Variants in FRAS1 observed in about 807,000 individuals in gnomAD.
FRAS1 encodes extracellular matrix organizing protein FRAS1.
FRAS1 carries 290 observed loss-of-function variants against 435.2 expected under a neutral mutation model. That is an observed-to-expected ratio of 0.67 (90% CI 0.61 to 0.73). The LOEUF is 0.73. Among genes scored for constraint, FRAS1 ranks in the 30% least tolerant of loss-of-function variants. The probability of loss-of-function intolerance (pLI) is 0.00; values close to 1 mark genes in which losing one functional copy is unlikely to be tolerated. For missense variants in FRAS1, 4,860 were observed against 5,001.5 expected (o/e 0.97, Z 0.85); for synonymous variants, 1,800 against 1,851.0 (o/e 0.97, Z 0.71).
chr4:78,385,901 G>C (rs564314637), intron 28 of FRAS1, among the ~76,000 whole-genome samples: 37 of 146,770 alleles, frequency 2.5e-4, no homozygotes, highest in Non-Finnish European at 4.9e-4. Flanking sequence ...AAAAAAAAAA[G>C]CTGAAACAGG....
intron 21 of FRAS1, 61 bp from the exon 22 acceptor site, chr4:78,363,847 G>A (rs17003160): frequency 0.13 from 195,803 of 1,550,268 alleles, 15,146 homozygotes; most frequent in East Asian, 0.36. Flanking sequence ...CACACTTGGG[G>A]TGCTGCTTTG....
intron 70 of FRAS1, among the ~76,000 whole-genome samples, chr4:78,531,500 T>A (rs1309570594): frequency 6.6e-6 from 1 of 152,188 alleles, no homozygotes; most frequent in African/African-American, 2.4e-5. Flanking sequence ...TCTTATTATT[T>A]TGAGATATGT....
intron 18 of FRAS1, among the ~76,000 whole-genome samples, chr4:78,320,815 G>A (rs1226100561): frequency 6.6e-6 from 1 of 152,112 alleles, no homozygotes; most frequent in African/African-American, 2.4e-5. Flanking sequence ...AGGAACACCA[G>A]TCTTTCCAAG....
At chr4:78,251,326 G>A (rs1168798946) in intron 4 of FRAS1, among the ~76,000 whole-genome samples, 1 of 152,160 alleles carries the variant, frequency 6.6e-6, no homozygotes, top group Non-Finnish European at 1.5e-5. Flanking sequence ...AAGAAGGGAG[G>A]AAGTTCAGGA....
chr4:78,164,491 T>C (rs190673102), intron 2 of FRAS1, among the ~76,000 whole-genome samples: 29 of 152,276 alleles, frequency 1.9e-4, no homozygotes, highest in Admixed American at 1.6e-3. Flanking sequence ...TTTTATAAAA[T>C]GCTGATGTAA....
Position 78,534,559 on chromosome 4 carries a change from C to T in FRAS1, c.11036C>T (p.Pro3679Leu), listed in dbSNP as rs779623280. 1.2e-6 allele frequency: 2 copies of T among 1,613,272 alleles called. No homozygotes were observed. The highest frequency in any genetic ancestry group is 1.7e-5 in the Admixed American group (1 of 60,000). Residue 3679 changes from proline to leucine, a missense_variant, in exon 71 of 74, where the codon CCC becomes CTC. Pro to Leu is a moderately conservative substitution (Grantham distance 98, BLOSUM62 -3). Transcript: ENST00000512123. ...CNNEKVFLMD[P>L]NTSDMSLAEM... is the part of the protein sequence containing the mutation. ...AATGAGAAGGTGTTCCTAATGGATC[C>T]CAATACATCTGATATGTCACTAGCA...
chr4:78,149,817 A>G (rs1400041674), intron 2 of FRAS1, among the ~76,000 whole-genome samples: 3 of 152,140 alleles, frequency 2.0e-5, no homozygotes, highest in Non-Finnish European at 4.4e-5. Flanking sequence ...TTGCCCTGGG[A>G]AAGCAGGCTG....
intron 71 of FRAS1, 137 bp downstream of exon 71, chr4:78,534,752 A>G: frequency 1.4e-6 from 1 of 733,802 alleles, no homozygotes. Flanking sequence ...TGGTTCCAGG[A>G]CAGCCAGGAC....
intron 2 of FRAS1, 149 bp downstream of exon 2, chr4:78,066,165 TG>T (rs1241022316): frequency 1.5e-6 from 1 of 668,700 alleles, no homozygotes; most frequent in Admixed American, 2.5e-5. Context: ...GGCACAATGA[TG>T]CTCAATTATT....
chr4:78,197,940 CA>C (rs5859609), intron 2 of FRAS1, among the ~76,000 whole-genome samples: 137,544 of 144,774 alleles, frequency 0.95, 65,551 homozygotes, highest in South Asian at 0.99. Context: ...GACTCCCTCT[CA>C]AAAAAAAAAA....
rs1725569927 is a variant in FRAS1, at chr4:78,252,315, A to G, written c.310-77A>G. ...CCATCCTTAATTTGGATAAGAGAAG[A>G]TTTGTTTCTATTTGGCTGAATGAAA... On this transcript the variant is annotated intron_variant, in intron 4 of 73. Coordinates refer to ENST00000512123, the MANE Select transcript of FRAS1 (RefSeq NM_025074.7). The G allele has an allele frequency of 5.1e-6, 7 of 1,384,802 alleles. No individual in the cohort carries two copies. The Admixed American group carries it at 1.1e-4, about 22-fold the overall frequency. 85.8% of individuals were successfully genotyped at this position (1,384,802 alleles called of 1,614,324 possible). A position where few individuals can be genotyped will look rare whatever the true frequency, so the allele number is the denominator to read the frequency against.
chr4:78,482,993 A>G (rs1361805295), intron 58 of FRAS1, among the ~76,000 whole-genome samples: 1 of 152,214 alleles, frequency 6.6e-6, no homozygotes, highest in Non-Finnish European at 1.5e-5. Context: ...ATAATAAAGG[A>G]AAACCTATTT....
chr4:78,202,939 A>C (rs1332604742), intron 2 of FRAS1, among the ~76,000 whole-genome samples: 1 of 152,108 alleles, frequency 6.6e-6, no homozygotes, highest in East Asian at 1.9e-4. Flanking sequence ...CCCTCTTCTG[A>C]CTGTGCATGG....
At chr4:78,485,783 C>T (rs1332981818) in intron 58 of FRAS1, among the ~76,000 whole-genome samples, 2 of 152,178 alleles carry the variant, frequency 1.3e-5, no homozygotes, top group Non-Finnish European at 2.9e-5. Context: ...CTATCCAAGT[C>T]CAGTCTTCTG....
Position 78,448,181 on chromosome 4 carries a change from A to G in FRAS1, c.6139A>G (p.Met2047Val), listed in dbSNP as rs367746359. 8 of 1,613,542 alleles carry G rather than the reference A, an allele frequency of 5.0e-6. No individual in the cohort carries two copies. The African/African-American group carries it at 6.7e-5, about 13-fold the overall frequency. ...LVGYVPSVPG[M>V]VVDEFQFSLT... Reference sequence around the variant, plus strand: ...TGGGTATGTGCCTAGTGTCCCTGGCATGGTCGTGGATGAGTTCCAGTTCTC... The same window carrying G: ...TGGGTATGTGCCTAGTGTCCCTGGCGTGGTCGTGGATGAGTTCCAGTTCTC... Residue 2047 changes from methionine to valine, a missense_variant, in exon 44 of 74, where the codon ATG (methionine) becomes GTG (valine). By Grantham distance (21) the Met-to-Val change is conservative. Coordinates refer to ENST00000512123, the MANE Select transcript of FRAS1 (RefSeq NM_025074.7).
intron 23 of FRAS1, 143 bp downstream of exon 23, chr4:78,370,127 G>C: frequency 1.5e-6 from 1 of 680,180 alleles, no homozygotes; most frequent in Non-Finnish European, 2.4e-6. Flanking sequence ...GTGTGTGTAT[G>C]TATATATTCA....
chr4:78,473,422 G>A lies in FRAS1; in HGVS notation c.7523-16G>A. ...ACATCCCTGGGTTAATTCACAGTGA[G>A]TCTTTTTTCTCACAGAGGATGTGAA... On this transcript the variant is annotated splice_polypyrimidine_tract_variant and intron_variant, in intron 52 of 73. Transcript: ENST00000512123. The A allele has an allele frequency of 3.1e-6, 5 of 1,608,118 alleles. No homozygotes were observed. Among genetic ancestry groups the A allele is most frequent in the South Asian group, 1.1e-5 (1 of 89,962 alleles).
At chr4:78,323,904 A>C (rs1361752374) in intron 18 of FRAS1, among the ~76,000 whole-genome samples, 2 of 152,150 alleles carry the variant, frequency 1.3e-5, no homozygotes, top group Non-Finnish European at 2.9e-5. Flanking sequence ...TCCCTCTAGA[A>C]CAGAATTTCT....
chr4:78,126,832 G>A (rs1332188882), intron 2 of FRAS1, among the ~76,000 whole-genome samples: 3 of 152,176 alleles, frequency 2.0e-5, no homozygotes, highest in Admixed American at 2.0e-4. Context: ...GTGTGTATAT[G>A]TGTACCTCTA....
Sources: gnomAD v4.1 joint callset for allele counts (sites outside exome capture counted in the v4.1 genomes callset) on GRCh38, gnomAD v4.1.1 for gene constraint, MANE v1.5 for transcripts, NCBI Gene and HGNC (gene_info 2026-07-23, HGNC 2026-07-21) for gene names.